PLEKHA8: variants seen among roughly 807,000 people sequenced by gnomAD.
PLEKHA8 encodes pleckstrin homology domain-containing family A member 8.
PLEKHA8 carries 36 observed loss-of-function variants against 68.2 expected under a neutral mutation model. The ratio of observed to expected loss-of-function variants is 0.53; its 90% CI spans 0.40 to 0.70. The LOEUF (loss-of-function observed/expected upper bound fraction) is 0.70, where lower values mean the gene tolerates loss of function less well. Ranked by LOEUF, PLEKHA8 falls within the 30% of genes least tolerant of loss-of-function variation. The pLI is 0.00. For synonymous variants in PLEKHA8, 211 were observed against 216.1 expected (o/e 0.98, Z 0.20); for missense variants, 505 against 615.4 (o/e 0.82, Z 1.90).
At chr7:30,107,812 T>A (rs889083188) in intron 13 of PLEKHA8, among the ~76,000 whole-genome samples, 13 of 152,284 alleles carry the variant, frequency 8.5e-5, no homozygotes, top group African/African-American at 3.1e-4. Flanking sequence ...CTCATGCCTG[T>A]AATCCCAGTA....
At chr7:30,058,093 A>C (rs1026952172) in intron 9 of PLEKHA8, among the ~76,000 whole-genome samples, 1 of 152,052 alleles carries the variant, frequency 6.6e-6, no homozygotes, top group Non-Finnish European at 1.5e-5. Context: ...GGCCATCCCT[A>C]TCTCTTCCAT....
intron 13 of PLEKHA8, among the ~76,000 whole-genome samples, chr7:30,078,119 A>G (rs535959253): frequency 1.4e-3 from 212 of 152,318 alleles, no homozygotes; most frequent in Non-Finnish European, 2.7e-3. Flanking sequence ...CAAAGGAAAG[A>G]TTATTCTTAT....
At chr7:30,070,616 G>A (rs1175726832) in intron 12 of PLEKHA8, among the ~76,000 whole-genome samples, 1 of 149,596 alleles carries the variant, frequency 6.7e-6, no homozygotes, top group Non-Finnish European at 1.5e-5. Flanking sequence ...GCGTGATCTC[G>A]GCTCACTGCA....
chr7:30,122,802 G>T lies in PLEKHA8; in HGVS notation c.1363-6464G>T, dbSNP rs184238832. On this transcript the variant is annotated intron_variant, in intron 13 of 13. Coordinates refer to the PLEKHA8 transcript ENST00000396257. ...ACATGCCAGGAGAAGCAGGAAAGTGGATATTTTAAGAGAAGAACAGAACAG... is the reference window on the plus strand; with the variant it reads ...ACATGCCAGGAGAAGCAGGAAAGTGTATATTTTAAGAGAAGAACAGAACAG... 9.9e-4 allele frequency among the ~76,000 whole-genome samples: 151 copies of T among 151,816 alleles called. 2 individuals carry two copies. The highest frequency in any genetic ancestry group is 1.8e-3 in the Non-Finnish European group (125 of 67,956).
intron 13 of PLEKHA8, among the ~76,000 whole-genome samples, chr7:30,097,492 A>C (rs1468003072): frequency 6.6e-6 from 1 of 152,148 alleles, no homozygotes; most frequent in African/African-American, 2.4e-5. Flanking sequence ...GTCTTTTTAC[A>C]TAGTCCCATA....
At chr7:30,042,253 C>T (rs185670156) in intron 1 of PLEKHA8, among the ~76,000 whole-genome samples, 7 of 152,188 alleles carry the variant, frequency 4.6e-5, no homozygotes, top group Non-Finnish European at 7.3e-5. Context: ...TTCTCAGTCT[C>T]TAGTCACATG....
rs543641319 is a variant in PLEKHA8 at position 30,100,825 on chromosome 7, C to T, written c.1362+26693C>T. Among the ~76,000 whole-genome samples the T allele has an allele frequency of 3.3e-4, 50 of 152,200 alleles. No individual in the cohort carries two copies. In the South Asian group the frequency reaches 0.01, roughly 31 times the overall value. Reference sequence around the variant, plus strand: ...TTGCAAATGATGTATACAAATAAACCTGAGGATTCTGCAAAGACTATTTAA... The same window carrying T: ...TTGCAAATGATGTATACAAATAAACTTGAGGATTCTGCAAAGACTATTTAA... On this transcript the variant is annotated intron_variant, in intron 13 of 13. Coordinates refer to the PLEKHA8 transcript ENST00000396257.
At chr7:30,045,028 G>C in intron 1 of PLEKHA8, 57 bp from the exon 2 acceptor site, 1 of 1,206,006 alleles carries the variant, frequency 8.3e-7, no homozygotes, top group South Asian at 1.3e-5. Flanking sequence ...TCTGTATCTT[G>C]GGAGGTAGTT....
chr7:30,045,496 T>TA (rs760398067), intron 2 of PLEKHA8, among the ~76,000 whole-genome samples: 1 of 152,202 alleles, frequency 6.6e-6, no homozygotes, highest in Non-Finnish European at 1.5e-5. Flanking sequence ...TAGCAAAACT[T>TA]AAAGTCTTTA....
rs965637036 is a variant in PLEKHA8, at chr7:30,082,481, A to G, written c.*3694A>G. ...AAGAGCTTCTTAAGAAGGAGCCCAT[A>G]TTCCCATTTGTAGCTGGAAAGCGGG... On this transcript the variant is annotated 3_prime_UTR_variant, in exon 14 of 14. Transcript: ENST00000449726. The G allele has an allele frequency of 4.7e-5, 46 of 985,216 alleles. No homozygotes were observed. Among genetic ancestry groups the G allele is most frequent in the Non-Finnish European group, 5.4e-5 (45 of 829,948 alleles). 61.0% of individuals were successfully genotyped at this position (985,216 alleles called of 1,614,324 possible).
chr7:30,031,702 C>T (rs1209663906), intron 1 of PLEKHA8, among the ~76,000 whole-genome samples: 4 of 152,166 alleles, frequency 2.6e-5, no homozygotes, highest in Non-Finnish European at 4.4e-5. Flanking sequence ...CTGGCTTTAG[C>T]GTAGCGTAGA....
At chr7:30,114,584 A>G (rs560383337) in intron 13 of PLEKHA8, among the ~76,000 whole-genome samples, 8 of 152,348 alleles carry the variant, frequency 5.3e-5, no homozygotes, top group Non-Finnish European at 1.2e-4. Context: ...TCATTCTATT[A>G]TATGAAGTTT....
chr7:30,035,323 A>C (rs1314544303), intron 1 of PLEKHA8, among the ~76,000 whole-genome samples: 1 of 152,216 alleles, frequency 6.6e-6, no homozygotes, highest in African/African-American at 2.4e-5. Context: ...TACTGTTAGC[A>C]GTTTCTGGGT....
intron 9 of PLEKHA8, among the ~76,000 whole-genome samples, chr7:30,056,316 A>C (rs369986168): frequency 0.16 from 12,181 of 78,392 alleles, 859 homozygotes; most frequent in Non-Finnish European, 0.18. Flanking sequence ...CTCTCTCTAT[A>C]TATATATATA....
chr7:30,042,422 G>C (rs981659403), intron 1 of PLEKHA8, among the ~76,000 whole-genome samples: 2 of 152,172 alleles, frequency 1.3e-5, no homozygotes, highest in African/African-American at 4.8e-5. Context: ...AGTAATTGAG[G>C]CTGTTCTAAA....
chr7:30,031,123 A>G (rs1790631592), intron 1 of PLEKHA8, among the ~76,000 whole-genome samples: 1 of 152,164 alleles, frequency 6.6e-6, no homozygotes, highest in Non-Finnish European at 1.5e-5. Context: ...TCCTTAGGGG[A>G]TGTTGTTAAT....
rs1414412451 is a variant in PLEKHA8, at chr7:30,052,418, C to T, written c.639-291C>T. 2.0e-5 allele frequency among the ~76,000 whole-genome samples: 3 copies of T among 152,110 alleles called. No homozygotes were observed. The South Asian group carries it at 6.2e-4, about 31-fold the overall frequency. On this transcript the variant is annotated intron_variant, in intron 6 of 13. Coordinates refer to ENST00000449726, the MANE Select transcript of PLEKHA8 (RefSeq NM_001197026.2). ...TTAGAACGCTGAGGTGGGAGGATTG[C>T]CTGAGGCCAGGTGGTCAAGACCAAC... is the stretch of plus-strand genomic sequence containing the variant.
At chr7:30,102,852 A>C (rs934780464) in intron 13 of PLEKHA8, among the ~76,000 whole-genome samples, 21 of 152,262 alleles carry the variant, frequency 1.4e-4, no homozygotes, top group Admixed American at 6.5e-5. Flanking sequence ...CCGGAGTTCC[A>C]GACCAGTCAG....
chr7:30,128,089 G>GTTTTTTTTTTTTTTTTTTTTT (rs1487431952), intron 13 of PLEKHA8, among the ~76,000 whole-genome samples: 1 of 121,588 alleles, frequency 8.2e-6, no homozygotes, highest in Non-Finnish European at 1.7e-5. Context: ...GAGTTTTACT[G>GTTTTTTTTTTTTTTTTTTTTT]TATTTTTTTT....
Sources: gnomAD v4.1 joint callset for allele counts (sites outside exome capture counted in the v4.1 genomes callset) on GRCh38, gnomAD v4.1.1 for gene constraint, MANE v1.5 for transcripts, NCBI Gene and HGNC (gene_info 2026-07-23, HGNC 2026-07-21) for gene names.